LUZP1: variants seen among roughly 807,000 people sequenced by gnomAD.
The protein encoded by LUZP1 is leucine zipper protein 1, also known as filamin mechanobinding actin cross-linking protein.
A neutral mutation model predicts 71.3 loss-of-function variants in LUZP1; 25 were observed. The observed-to-expected ratio is 0.35, with a 90% confidence interval of 0.26 to 0.49. LUZP1 has a LOEUF of 0.49. Ranked by LOEUF, LUZP1 falls within the 20% of genes least tolerant of loss-of-function variation. LUZP1 has a pLI of 0.99. For synonymous variants in LUZP1, 481 were observed against 506.4 expected (o/e 0.95, Z 0.67); for missense variants, 1,142 against 1,300.8 (o/e 0.88, Z 1.88).
At chr1:23,122,637 C>CTCTTTG (rs1644139554) in intron 2 of LUZP1, among the ~76,000 whole-genome samples, 1 of 152,248 alleles carries the variant, frequency 6.6e-6, no homozygotes. Context: ...AACACAACTA[C>CTCTTTG]AAGATTCCAG....
chr1:23,090,944 C>CTGAA (rs1396419508), intron 4 of LUZP1: 1 of 718,456 alleles, frequency 1.4e-6, no homozygotes, highest in South Asian at 1.5e-5. Flanking sequence ...TTTATGTCAC[C>CTGAA]TTCATATACG....
intron 2 of LUZP1, among the ~76,000 whole-genome samples, chr1:23,117,844 C>A (rs61780494): frequency 1.3e-5 from 2 of 152,088 alleles, no homozygotes; most frequent in Non-Finnish European, 2.9e-5. Flanking sequence ...GTAATCCCAG[C>A]GCTTTGGGAG....
chr1:23,155,324 T>C (rs1644413188), intron 2 of LUZP1, among the ~76,000 whole-genome samples: 1 of 152,220 alleles, frequency 6.6e-6, no homozygotes, highest in Non-Finnish European at 1.5e-5. Context: ...CATAAGACAA[T>C]GTTGACCTCA....
In LUZP1 at chr1:23,137,499, G is replaced by A. The variant is rs1475721615; in HGVS notation, c.-225-28372C>T. Among the ~76,000 whole-genome samples, 4 of 152,258 alleles carry A rather than the reference G, an allele frequency of 2.6e-5. No homozygotes were observed. The East Asian group carries it at 7.7e-4, about 29-fold the overall frequency. On this transcript the variant is annotated intron_variant, in intron 2 of 4. Coordinates refer to ENST00000302291, the Ensembl canonical transcript of LUZP1. Reference sequence around the variant, plus strand: ...CCACTAAAAATACAAAAATTAGCCGGGTGTGGTGGTAGGCACCTGTAATCT... The same window carrying A: ...CCACTAAAAATACAAAAATTAGCCGAGTGTGGTGGTAGGCACCTGTAATCT...
intron 2 of LUZP1, among the ~76,000 whole-genome samples, chr1:23,146,100 G>A (rs1411046107): frequency 6.6e-6 from 1 of 151,746 alleles, no homozygotes; most frequent in Admixed American, 6.6e-5. Context: ...GTGCGATCTC[G>A]GCTCACTGCA....
intron 2 of LUZP1, among the ~76,000 whole-genome samples, chr1:23,111,806 C>T (rs1210197428): frequency 1.1e-4 from 16 of 151,628 alleles, no homozygotes; most frequent in Non-Finnish European, 5.9e-5. Flanking sequence ...ACACAAACAC[C>T]GCCCCCCCAC....
At chr1:23,087,108 T>TACCTAG (rs1643777864) in exon 5 of LUZP1, 1 of 152,074 alleles carries the variant, frequency 6.6e-6, no homozygotes, top group Non-Finnish European at 1.5e-5. Context: ...CTTTCCATAA[T>TACCTAG]ACCTAGACTC....
At chr1:23,172,179 C>T (rs1460606080) in intron 1 of LUZP1, among the ~76,000 whole-genome samples, 3 of 152,112 alleles carry the variant, frequency 2.0e-5, no homozygotes, top group Admixed American at 6.6e-5. Context: ...CCTCATCCTC[C>T]CAGCAAGACC....
At chr1:23,173,029 G>A (rs1472865744) in intron 1 of LUZP1, among the ~76,000 whole-genome samples, 1 of 150,830 alleles carries the variant, frequency 6.6e-6, no homozygotes, top group Admixed American at 6.6e-5. Flanking sequence ...CACCATGTTG[G>A]TCAGGCTGGT....
intron 2 of LUZP1, among the ~76,000 whole-genome samples, chr1:23,141,808 C>T (rs1465669102): frequency 2.6e-5 from 4 of 151,534 alleles, no homozygotes; most frequent in Non-Finnish European, 5.9e-5. Context: ...GCCTCCCAGG[C>T]AGCTGGGACC....
rs530189209 is a variant in LUZP1, at chr1:23,097,429, G to T, written c.-119-3049C>A. Among the ~76,000 whole-genome samples the T allele has an allele frequency of 2.6e-5, 4 of 152,290 alleles. No homozygotes were observed. In the East Asian group the frequency reaches 7.7e-4, roughly 29 times the overall value. On this transcript the variant is annotated intron_variant, in intron 3 of 4. Coordinates refer to ENST00000302291, the Ensembl canonical transcript of LUZP1. ...AAAACATAGTTATGGCCTAGACCAGGATGGTGGCAGTACATGCGTTCCAAG... is the reference window on the plus strand; with the variant it reads ...AAAACATAGTTATGGCCTAGACCAGTATGGTGGCAGTACATGCGTTCCAAG...
exon 5 of LUZP1, chr1:23,086,941 C>G (rs1466814913): frequency 6.6e-6 from 1 of 152,326 alleles, no homozygotes; most frequent in Non-Finnish European, 1.5e-5. Flanking sequence ...AGCCTCCTCA[C>G]TGCCAAATCT....
chr1:23,145,446 A>G (rs181431884), intron 2 of LUZP1, among the ~76,000 whole-genome samples: 37 of 150,324 alleles, frequency 2.5e-4, no homozygotes, highest in Admixed American at 7.3e-4. Context: ...CAACAACCCT[A>G]TGAGGCAGAT....
chr1:23,149,775 A>AAT (rs1341909941), intron 2 of LUZP1, among the ~76,000 whole-genome samples: 53 of 152,062 alleles, frequency 3.5e-4, no homozygotes, highest in Non-Finnish European at 6.9e-4. Flanking sequence ...CAGCCTGACC[A>AAT]ACATGGTGAA....
intron 1 of LUZP1, among the ~76,000 whole-genome samples, chr1:23,176,610 G>A (rs964622294): frequency 6.6e-6 from 1 of 152,052 alleles, no homozygotes; most frequent in Non-Finnish European, 1.5e-5. Flanking sequence ...AGGACCATCC[G>A]ACCTTATAGT....
intron 2 of LUZP1, among the ~76,000 whole-genome samples, chr1:23,136,049 T>C (rs556075732): frequency 2.0e-5 from 3 of 152,254 alleles, no homozygotes; most frequent in South Asian, 2.1e-4. Context: ...AGCAAATAGG[T>C]TGCTAAATCA....
intron 3 of LUZP1, among the ~76,000 whole-genome samples, chr1:23,098,979 A>G (rs1239508232): frequency 6.6e-6 from 1 of 152,192 alleles, no homozygotes; most frequent in Non-Finnish European, 1.5e-5. Flanking sequence ...TTCCGCTTCC[A>G]TTCAGATTCT....
chr1:23,119,221 A>AT (rs1408389830), intron 2 of LUZP1, among the ~76,000 whole-genome samples: 2 of 111,912 alleles, frequency 1.8e-5, no homozygotes, highest in East Asian at 5.3e-4. Flanking sequence ...AACAGTCAAC[A>AT]TTTTTTTTAA....
exon 4 of LUZP1, chr1:23,091,488 T>C (rs1309376633): frequency 1.2e-6 from 2 of 1,614,206 alleles, no homozygotes; most frequent in South Asian, 2.2e-5. Context: ...TCGCCTACTC[T>C]TCCAGGCATT....
Sources: allele counts gnomAD v4.1 joint callset (sites outside exome capture counted in the v4.1 genomes callset), GRCh38; gene constraint gnomAD v4.1.1; transcripts MANE v1.5; gene names NCBI Gene and HGNC (gene_info 2026-07-23, HGNC 2026-07-21).